TIAM2: variants seen among roughly 807,000 people sequenced by gnomAD.
The protein encoded by TIAM2 is rho guanine nucleotide exchange factor TIAM2.
A neutral mutation model predicts 152.9 loss-of-function variants in TIAM2; 80 were observed. That is an observed-to-expected ratio of 0.52 (90% CI 0.44 to 0.63). TIAM2 has a LOEUF of 0.63. Ranked by LOEUF, TIAM2 falls within the 30% of genes least tolerant of loss-of-function variation. TIAM2 has a pLI of 0.00. For synonymous variants in TIAM2, 804 were observed against 838.0 expected (o/e 0.96, Z 0.70); for missense variants, 1,965 against 2,120.1 (o/e 0.93, Z 1.44).
intron 17 of TIAM2, among the ~76,000 whole-genome samples, chr6:155,244,321 G>C (rs1783202737): frequency 6.6e-6 from 1 of 152,220 alleles, no homozygotes. Flanking sequence ...AGGTAGAAGA[G>C]AGTGTGATCA....
At chr6:155,038,391 G>A (rs1223461861) in intron 1 of TIAM2, among the ~76,000 whole-genome samples, 1 of 152,190 alleles carries the variant, frequency 6.6e-6, no homozygotes, top group Non-Finnish European at 1.5e-5. Flanking sequence ...TAGATGGTAA[G>A]AAGAGAGACA....
intron 2 of TIAM2, among the ~76,000 whole-genome samples, chr6:155,118,508 C>T (rs187439273): frequency 7.2e-4 from 108 of 150,140 alleles, no homozygotes; most frequent in African/African-American, 2.5e-3. Context: ...TCTTGACTCA[C>T]CGCAACCTTT....
chr6:155,120,814 C>A (rs1779133013), intron 2 of TIAM2, among the ~76,000 whole-genome samples: 1 of 152,164 alleles, frequency 6.6e-6, no homozygotes, highest in Admixed American at 6.5e-5. Flanking sequence ...GTAGCAGACC[C>A]CAGTTGTGAC....
intron 12 of TIAM2, among the ~76,000 whole-genome samples, chr6:155,181,068 A>G (rs1337245747): frequency 6.6e-6 from 1 of 152,284 alleles, no homozygotes; most frequent in South Asian, 2.1e-4. Context: ...ACCATATTCT[A>G]CCAGCAGAAG....
At chr6:155,015,944 C>CAAAAAAAAAAAAAA (rs3081689) in intron 1 of TIAM2, among the ~76,000 whole-genome samples, 1 of 61,762 alleles carries the variant, frequency 1.6e-5, no homozygotes, top group African/African-American at 4.3e-5. Flanking sequence ...TTCAAAAAAC[C>CAAAAAAAAAAAAAA]AAAAAAAAAA....
intron 7 of TIAM2, among the ~76,000 whole-genome samples, chr6:155,152,642 CAG>C (rs1780002995): frequency 6.6e-6 from 1 of 152,140 alleles, no homozygotes; most frequent in African/African-American, 2.4e-5. Flanking sequence ...CCGAGTGTCT[CAG>C]AGTGTTCAGA....
chr6:155,245,755 G>GTTGT (rs371465175), intron 19 of TIAM2, 24 bp downstream of exon 19: 17 of 1,023,438 alleles, frequency 1.7e-5, no homozygotes, highest in Middle Eastern at 2.6e-4. Context: ...GCCTTTTATA[G>GTTGT]TTTTTTTTTT....
At chr6:155,089,352 G>T (rs962765582) in intron 1 of TIAM2, among the ~76,000 whole-genome samples, 2 of 152,092 alleles carry the variant, frequency 1.3e-5, no homozygotes, top group Admixed American at 1.3e-4. Context: ...GACTACAGGC[G>T]TGAGCCACCA....
intron 1 of TIAM2, among the ~76,000 whole-genome samples, chr6:155,006,393 G>A (rs1778402506): frequency 6.6e-6 from 1 of 151,882 alleles, no homozygotes; most frequent in Non-Finnish European, 1.5e-5. Context: ...TCTCGATCGG[G>A]CATGGTGGCT....
chr6:155,041,680 G>T (rs548885238), intron 1 of TIAM2, among the ~76,000 whole-genome samples: 303 of 152,268 alleles, frequency 2.0e-3, no homozygotes, highest in African/African-American at 7.0e-3. Context: ...TTTATTACCT[G>T]TGAATACTTG....
chr6:155,169,038 C>T, intron 9 of TIAM2: 1 of 933,664 alleles, frequency 1.1e-6, no homozygotes, highest in African/African-American at 1.7e-5. Context: ...CTCTGTTGCC[C>T]AGGCTGGAGT....
chr6:155,153,483 C>A (rs1780023227), intron 7 of TIAM2, among the ~76,000 whole-genome samples: 1 of 152,100 alleles, frequency 6.6e-6, no homozygotes, highest in Non-Finnish European at 1.5e-5. Context: ...AAGTATTCTC[C>A]TCACCGTATT....
At position 155,129,547 on chromosome 6, in the gene TIAM2, T is replaced by G; in HGVS notation, c.324T>G (p.Ala108=). ...APGKDFQGIS[A]AFSTENGFHS... ...GGAAGGATTTCCAGGGCATCAGTGC[T>G]GCTTTCTCAACTGAGAATGGCTTCC... is the stretch of plus-strand genomic sequence containing the variant. Residue 108 remains alanine, a synonymous_variant, in exon 4 of 27, where the codon GCT becomes GCG. Transcript: ENST00000682666. The surrounding 1 kb of genome is among the most constrained non-coding windows in gnomAD (Gnocchi z 4.8). 1 of 1,614,144 alleles carries G rather than the reference T, an allele frequency of 6.2e-7. No individual in the cohort carries two copies.
intron 1 of TIAM2, among the ~76,000 whole-genome samples, chr6:155,006,393 G>T (rs1778402506): frequency 6.6e-6 from 1 of 151,882 alleles, no homozygotes; most frequent in Admixed American, 6.6e-5. Flanking sequence ...TCTCGATCGG[G>T]CATGGTGGCT....
intron 1 of TIAM2, among the ~76,000 whole-genome samples, chr6:155,046,880 T>A (rs185261018): frequency 6.6e-6 from 1 of 152,296 alleles, no homozygotes; most frequent in Admixed American, 6.5e-5. Flanking sequence ...TTGTTTATTC[T>A]TGTTGGAAGC....
chr6:155,184,145 T>C (rs1780978131), intron 14 of TIAM2, among the ~76,000 whole-genome samples: 2 of 152,104 alleles, frequency 1.3e-5, no homozygotes, highest in African/African-American at 2.4e-5. Context: ...TGTACCACCA[T>C]GCCTCGCTAA....
At position 154,995,696 on chromosome 6, in the gene TIAM2, G is replaced by A. The variant is rs949895815; in HGVS notation, c.-209+204G>A. Among the ~76,000 whole-genome samples, 11 of 152,072 alleles carry A rather than the reference G, an allele frequency of 7.2e-5. No individual in the cohort carries two copies. Among genetic ancestry groups the A allele is most frequent in the African/African-American group, 2.7e-4 (11 of 41,430 alleles). The stretch of plus-strand genomic sequence containing the variant: ...CGCGGCCTGGCACCCTCTCCCCGGA[G>A]GGCGGCAGCGTCCGGGCACAGCCTG... On this transcript the variant is annotated intron_variant, in intron 1 of 26. Coordinates refer to ENST00000682666, the MANE Select transcript of TIAM2 (RefSeq NM_012454.4). This position sits in a 1 kb window ranked among gnomAD's most constrained non-coding sequence, Gnocchi z 5.2.
intron 15 of TIAM2, among the ~76,000 whole-genome samples, chr6:155,215,519 A>G (rs1781833207): frequency 6.6e-6 from 1 of 152,224 alleles, no homozygotes; most frequent in African/African-American, 2.4e-5. Flanking sequence ...TCCATGTATA[A>G]TGATAGATTT....
intron 1 of TIAM2, among the ~76,000 whole-genome samples, chr6:155,037,934 G>A (rs1048587699): frequency 5.9e-5 from 9 of 152,092 alleles, no homozygotes; most frequent in Non-Finnish European, 1.2e-4. Flanking sequence ...TTCTGTGTTT[G>A]GAGTACCTGG....
Sources: gnomAD v4.1 joint callset for allele counts (sites outside exome capture counted in the v4.1 genomes callset) on GRCh38, gnomAD v4.1.1 for gene constraint, Gnocchi (gnomAD v3.1) non-coding constraint, MANE v1.5 for transcripts, NCBI Gene and HGNC (gene_info 2026-07-23, HGNC 2026-07-21) for gene names.